SLC24A3: variants seen among roughly 807,000 people sequenced by gnomAD.
SLC24A3 encodes the protein solute carrier family 24 member 3, also known as sodium/potassium/calcium exchanger 3.
A neutral mutation model predicts 75.8 loss-of-function variants in SLC24A3; 28 were observed. The observed-to-expected ratio is 0.37, with a 90% confidence interval of 0.27 to 0.51. The LOEUF (loss-of-function observed/expected upper bound fraction) is 0.51, where lower values mean the gene tolerates loss of function less well. Among genes scored for constraint, SLC24A3 ranks in the 20% least tolerant of loss-of-function variants. The pLI, the probability that SLC24A3 is intolerant of heterozygous loss-of-function variation, is 0.94. For missense variants in SLC24A3, 663 were observed against 847.8 expected (o/e 0.78, Z 2.71); for synonymous variants, 372 against 334.1 (o/e 1.11, Z -1.24).
chr20:19,390,683 A>G (rs1249899717), intron 2 of SLC24A3, among the ~76,000 whole-genome samples: 5 of 152,184 alleles, frequency 3.3e-5, no homozygotes, highest in Non-Finnish European at 5.9e-5. Context: ...CCTGGAGCCT[A>G]CATTTGCTGA....
chr20:19,585,754 T>C (rs567737293), intron 6 of SLC24A3, among the ~76,000 whole-genome samples: 8 of 152,258 alleles, frequency 5.3e-5, no homozygotes, highest in African/African-American at 1.7e-4. Context: ...TCCATGTTGA[T>C]GGAATATAGA....
At chr20:19,548,627 G>A (rs372921183) in intron 3 of SLC24A3, among the ~76,000 whole-genome samples, 9 of 152,142 alleles carry the variant, frequency 5.9e-5, no homozygotes, top group East Asian at 3.8e-4. Context: ...GAGAATATCC[G>A]TCAAGGCAAA....
intron 6 of SLC24A3, among the ~76,000 whole-genome samples, chr20:19,617,529 C>T (rs1030605407): frequency 1.3e-5 from 2 of 152,156 alleles, no homozygotes; most frequent in South Asian, 2.1e-4. Flanking sequence ...TTTCTTCTCA[C>T]GTAGGCTCAG....
intron 2 of SLC24A3, among the ~76,000 whole-genome samples, chr20:19,356,129 T>A (rs1985677134): frequency 6.6e-6 from 1 of 152,122 alleles, no homozygotes; most frequent in Non-Finnish European, 1.5e-5. Context: ...ATATGCCACC[T>A]CCTAAATTAT....
chr20:19,569,081 G>A lies in SLC24A3; in HGVS notation c.349-10919G>A, dbSNP rs184555899. Among the ~76,000 whole-genome samples the A allele has an allele frequency of 5.6e-3, 852 of 152,210 alleles. 5 individuals are homozygous for A. The highest frequency in any genetic ancestry group is 0.031 in the Middle Eastern group (9 of 292). On this transcript the variant is annotated intron_variant, in intron 3 of 16. Transcript: ENST00000328041. ...CAGCTCAGGAACCCAAGAAAGAGTG[G>A]GTCAGGGAACCCTTGTGGGAGGTCA...
intron 2 of SLC24A3, among the ~76,000 whole-genome samples, chr20:19,489,232 A>C (rs929654528): frequency 6.6e-6 from 1 of 152,216 alleles, no homozygotes; most frequent in Non-Finnish European, 1.5e-5. Flanking sequence ...CACAGGGATT[A>C]TCTCAATCCC....
chr20:19,538,538 C>G (rs1752047701), intron 3 of SLC24A3, among the ~76,000 whole-genome samples: 1 of 152,146 alleles, frequency 6.6e-6, no homozygotes, highest in Non-Finnish European at 1.5e-5. Context: ...CTTCCTTATT[C>G]ATTAGGGAAA....
At chr20:19,499,255 T>C (rs1379974946) in intron 2 of SLC24A3, among the ~76,000 whole-genome samples, 1 of 152,238 alleles carries the variant, frequency 6.6e-6, no homozygotes, top group Non-Finnish European at 1.5e-5. Context: ...TGTACTATCT[T>C]AGTTCTGGCA....
At chr20:19,527,079 A>C (rs1284995561) in intron 3 of SLC24A3, among the ~76,000 whole-genome samples, 1 of 152,030 alleles carries the variant, frequency 6.6e-6, no homozygotes, top group South Asian at 2.1e-4. Context: ...CTAGGCCCCA[A>C]AACCTTTGGT....
At chr20:19,703,605 T>C (rs1009160977) in intron 15 of SLC24A3, among the ~76,000 whole-genome samples, 3 of 152,202 alleles carry the variant, frequency 2.0e-5, no homozygotes, top group Admixed American at 6.5e-5. Flanking sequence ...AAGTTAGATC[T>C]CATATCCTCT....
chr20:19,656,521 C>T (rs1754281988), intron 7 of SLC24A3, among the ~76,000 whole-genome samples: 1 of 152,170 alleles, frequency 6.6e-6, no homozygotes. Flanking sequence ...TCTCTAATAC[C>T]CCTTCCAGCA....
intron 9 of SLC24A3, among the ~76,000 whole-genome samples, chr20:19,680,500 T>C (rs1490154797): frequency 6.6e-6 from 1 of 152,226 alleles, no homozygotes. Context: ...TTTCTCTGTC[T>C]GTAGTGTTGG....
chr20:19,590,510 C>T (rs577240337), intron 6 of SLC24A3, among the ~76,000 whole-genome samples: 4 of 152,174 alleles, frequency 2.6e-5, no homozygotes, highest in Admixed American at 2.6e-4. Context: ...GGAGGCCTAA[C>T]ATCCATTCCA....
chr20:19,303,106 A>T (rs1256765745), intron 2 of SLC24A3, among the ~76,000 whole-genome samples: 1 of 151,932 alleles, frequency 6.6e-6, no homozygotes, highest in Non-Finnish European at 1.5e-5. Flanking sequence ...TTATTTCATC[A>T]CCCAGGTAAT....
At chr20:19,320,317 T>A (rs974852865) in intron 2 of SLC24A3, among the ~76,000 whole-genome samples, 1 of 152,214 alleles carries the variant, frequency 6.6e-6, no homozygotes, top group Admixed American at 6.5e-5. Context: ...CATGAGGGGA[T>A]GCCTGAGTGG....
intron 2 of SLC24A3, chr20:19,283,231 T>C (rs1229282354): frequency 6.6e-6 from 1 of 152,440 alleles, no homozygotes; most frequent in Admixed American, 6.6e-5. Context: ...ACAGGAGAAG[T>C]TCTGTTCAAA....
At chr20:19,676,382 A>T (rs539917396) in intron 9 of SLC24A3, among the ~76,000 whole-genome samples, 10 of 152,286 alleles carry the variant, frequency 6.6e-5, no homozygotes, top group African/African-American at 2.2e-4. Flanking sequence ...GCAGGATACA[A>T]ATAAAACTGG....
Position 19,711,464 on chromosome 20 carries a change from A to G in SLC24A3, c.1720-6064A>G, listed in dbSNP as rs1015976499. 7.9e-5 allele frequency among the ~76,000 whole-genome samples: 12 copies of G among 152,084 alleles called. 1 individual carries two copies. The highest frequency in any genetic ancestry group is 2.1e-4 in the South Asian group (1 of 4,824). ...CAGGCAAACGCGTGCACACACACAC[A>G]TGCACAAATGCAAACACATGCAGGC... On this transcript the variant is annotated intron_variant, in intron 15 of 16. Coordinates refer to ENST00000328041, the MANE Select transcript of SLC24A3 (RefSeq NM_020689.4).
chr20:19,316,820 C>G (rs912763251), intron 2 of SLC24A3, among the ~76,000 whole-genome samples: 1 of 152,112 alleles, frequency 6.6e-6, no homozygotes, highest in African/African-American at 2.4e-5. Context: ...CTCTTGATTT[C>G]TTTTTTTAAA....
Sources: allele counts gnomAD v4.1 joint callset (sites outside exome capture counted in the v4.1 genomes callset), GRCh38; gene constraint gnomAD v4.1.1; transcripts MANE v1.5; gene names NCBI Gene and HGNC (gene_info 2026-07-23, HGNC 2026-07-21).